Variants in ZSWIM6 observed in about 807,000 individuals in gnomAD.
The protein encoded by ZSWIM6 is zinc finger SWIM-type containing 6, also known as zinc finger SWIM domain-containing protein 6.
Under a neutral mutation model 113.2 loss-of-function variants are expected in ZSWIM6, and 9 were observed. That is an observed-to-expected ratio of 0.08 (90% confidence interval 0.05 to 0.14). ZSWIM6 has a LOEUF of 0.14. Ranked by LOEUF, ZSWIM6 falls within the 10% of genes least tolerant of loss-of-function variation. The pLI is 1.00. For synonymous variants in ZSWIM6, 611 were observed against 606.5 expected (o/e 1.01, Z -0.11); for missense variants, 1,162 against 1,552.2 (o/e 0.75, Z 4.22).
chr5:61,491,630 G>T (rs1180839078), intron 3 of ZSWIM6, among the ~76,000 whole-genome samples: 1 of 151,954 alleles, frequency 6.6e-6, no homozygotes, highest in East Asian at 1.9e-4. Flanking sequence ...AGAAGTTTCA[G>T]TACCATACAC....
chr5:61,539,753 C>G lies in ZSWIM6; in HGVS notation c.2697C>G (p.Gly899=). The G allele has an allele frequency of 6.4e-7, 1 of 1,550,614 alleles. No homozygotes were observed. Among genetic ancestry groups the G allele is most frequent in the African/African-American group, 1.4e-5 (1 of 73,134 alleles). ...ITLLKVSLEL[G]LQVMRMTLST... ...TTTTGAAAGTGTCTCTGGAGCTGGGCCTGCAGGTACATGACTGGTAGTCTT... is the reference window on the plus strand; with the variant it reads ...TTTTGAAAGTGTCTCTGGAGCTGGGGCTGCAGGTACATGACTGGTAGTCTT... Residue 899 remains glycine (G), a synonymous_variant, in exon 12 of 14, where the codon GGC becomes GGG. Coordinates refer to ENST00000252744, the MANE Select transcript of ZSWIM6 (RefSeq NM_020928.2).
chr5:61,517,384 C>T (rs912594148), intron 4 of ZSWIM6, among the ~76,000 whole-genome samples: 9 of 152,124 alleles, frequency 5.9e-5, no homozygotes, highest in African/African-American at 2.2e-4. Flanking sequence ...ACTTTTCCCT[C>T]TGTCATCTCC....
At chr5:61,447,314 T>TACTGAAACACAATCCAACTGC (rs1472014971) in intron 1 of ZSWIM6, among the ~76,000 whole-genome samples, 2 of 152,116 alleles carry the variant, frequency 1.3e-5, no homozygotes, top group Non-Finnish European at 2.9e-5. Flanking sequence ...TACAAACAAT[T>TACTGAAACACAATCCAACTGC]ACTGAAACAC....
chr5:61,525,791 A>G lies in ZSWIM6; in HGVS notation c.1514-9A>G. ...GCTGACACGGCTTTCTGAATTGTGG[A>G]AAAAACAGATTCATCGAACAGGCCA... is the stretch of plus-strand genomic sequence containing the variant. On this transcript the variant is annotated splice_polypyrimidine_tract_variant and intron_variant, in intron 5 of 13. Transcript: ENST00000252744. 1.3e-6 allele frequency: 2 copies of G among 1,551,284 alleles called. No homozygotes were observed. Among genetic ancestry groups the G allele is most frequent in the Non-Finnish European group, 1.7e-6 (2 of 1,146,710 alleles).
chr5:61,344,344 G>A (rs1049998105), intron 1 of ZSWIM6, among the ~76,000 whole-genome samples: 1 of 152,184 alleles, frequency 6.6e-6, no homozygotes, highest in African/African-American at 2.4e-5. Context: ...CTAGACAGTG[G>A]TGAAGCTGAT....
intron 5 of ZSWIM6, among the ~76,000 whole-genome samples, chr5:61,522,675 T>A (rs1188171543): frequency 1.3e-5 from 2 of 152,230 alleles, no homozygotes; most frequent in Non-Finnish European, 2.9e-5. Flanking sequence ...CCATGATGAT[T>A]GTATTTAATA....
intron 1 of ZSWIM6, among the ~76,000 whole-genome samples, chr5:61,401,256 G>C (rs1439922452): frequency 6.6e-6 from 1 of 152,126 alleles, no homozygotes; most frequent in Admixed American, 6.5e-5. Context: ...TGGAGCAACA[G>C]ACGGAAGAAA....
At position 61,544,442 on chromosome 5, in the gene ZSWIM6, A is replaced by G; in HGVS notation, c.*125A>G. 1 of 521,106 alleles carries G rather than the reference A, an allele frequency of 1.9e-6. No homozygotes were observed. Among genetic ancestry groups the G allele is most frequent in the Non-Finnish European group, 3.2e-6 (1 of 307,978 alleles). The allele number at this position is 521,106 out of a possible 1,614,324, so 32.3% of individuals were successfully genotyped here. ...ACACCGGTATTATATGTGTATAGTT[A>G]TATTGCGTTTGCAGACTAAATTGTC... On this transcript the variant is annotated 3_prime_UTR_variant, in exon 14 of 14. Coordinates refer to ENST00000252744, the MANE Select transcript of ZSWIM6 (RefSeq NM_020928.2).
chr5:61,433,989 AAT>A (rs1746641737), intron 1 of ZSWIM6, among the ~76,000 whole-genome samples: 1 of 148,614 alleles, frequency 6.7e-6, no homozygotes, highest in South Asian at 2.1e-4. Flanking sequence ...ATATCTGTAT[AAT>A]ATATATGTAT....
intron 1 of ZSWIM6, among the ~76,000 whole-genome samples, chr5:61,354,894 T>A (rs1380835764): frequency 6.6e-6 from 1 of 152,212 alleles, no homozygotes; most frequent in Non-Finnish European, 1.5e-5. Flanking sequence ...ATTAAGGCAA[T>A]ATATGTTGTA....
chr5:61,409,291 T>C (rs1746108673), intron 1 of ZSWIM6, among the ~76,000 whole-genome samples: 1 of 152,148 alleles, frequency 6.6e-6, no homozygotes, highest in Admixed American at 6.5e-5. Context: ...TGATTTTTGC[T>C]GTTTAAGGAG....
chr5:61,452,179 T>C (rs1264234348), intron 1 of ZSWIM6, among the ~76,000 whole-genome samples: 1 of 152,190 alleles, frequency 6.6e-6, no homozygotes, highest in Non-Finnish European at 1.5e-5. Context: ...CCTGTTCCTT[T>C]ATATACTGTA....
Position 61,399,231 on chromosome 5 carries a change from GTTTTTTT to G in ZSWIM6, c.676+66297_676+66303del, listed in dbSNP as rs35540556. ...TGAGCCACTGCGCCTGGCTGTGTATGTTTTTTTTTTTTTTTTTTTTAAAGATAATCAG... is the reference window on the plus strand; with the variant it reads ...TGAGCCACTGCGCCTGGCTGTGTATGTTTTTTTTTTTTTAAAGATAATCAG... On this transcript the variant is annotated intron_variant, in intron 1 of 13. Coordinates refer to ENST00000252744, the MANE Select transcript of ZSWIM6 (RefSeq NM_020928.2). Among the ~76,000 whole-genome samples the G allele has an allele frequency of 2.5e-3, 300 of 117,982 alleles. 1 individual carries two copies. The highest frequency in any genetic ancestry group is 8.8e-3 in the African/African-American group (283 of 32,302). The allele number at this position is 117,982 out of a possible 152,430, so 77.4% of individuals were successfully genotyped here. A position where few individuals can be genotyped will look rare whatever the true frequency, so the allele number is the denominator to read the frequency against.
intron 1 of ZSWIM6, among the ~76,000 whole-genome samples, chr5:61,409,854 T>C (rs559780865): frequency 6.6e-6 from 1 of 152,302 alleles, no homozygotes; most frequent in Non-Finnish European, 1.5e-5. Flanking sequence ...ATGGAAAACA[T>C]TGTTACTTGA....
chr5:61,480,027 A>T (rs1747813547), intron 2 of ZSWIM6, among the ~76,000 whole-genome samples: 1 of 152,096 alleles, frequency 6.6e-6, no homozygotes, highest in Non-Finnish European at 1.5e-5. Flanking sequence ...TAATAGTAAG[A>T]CTTCCTGAGA....
chr5:61,458,252 G>T (rs1747247270), intron 1 of ZSWIM6, among the ~76,000 whole-genome samples: 1 of 151,886 alleles, frequency 6.6e-6, no homozygotes. Flanking sequence ...ATAAACCAAA[G>T]AAAAAAATAA....
chr5:61,505,671 CTTCT>C (rs1366503034), intron 4 of ZSWIM6, among the ~76,000 whole-genome samples: 9 of 90,576 alleles, frequency 9.9e-5, no homozygotes, highest in African/African-American at 1.5e-4. Context: ...TCCTTCCTTC[CTTCT>C]TTCCTTGCCT....
intron 1 of ZSWIM6, among the ~76,000 whole-genome samples, chr5:61,385,213 G>C (rs1461260986): frequency 6.6e-6 from 1 of 152,160 alleles, no homozygotes; most frequent in African/African-American, 2.4e-5. Flanking sequence ...ATGGTGTTTG[G>C]TATATTCTCT....
At chr5:61,435,968 A>G (rs1373672559) in intron 1 of ZSWIM6, among the ~76,000 whole-genome samples, 2 of 152,268 alleles carry the variant, frequency 1.3e-5, no homozygotes, top group Admixed American at 6.5e-5. Context: ...TTGGGAGGCC[A>G]AGGCGAGCGG....
Sources: allele counts gnomAD v4.1 joint callset (sites outside exome capture counted in the v4.1 genomes callset), GRCh38; gene constraint gnomAD v4.1.1; transcripts MANE v1.5; gene names NCBI Gene and HGNC (gene_info 2026-07-23, HGNC 2026-07-21).